Variants in C4orf50 observed in about 807,000 individuals in gnomAD.
The protein encoded by C4orf50 is chromosome 4 open reading frame 50.
C4orf50 carries 80 observed loss-of-function variants against 77.2 expected under a neutral mutation model. The ratio of observed to expected loss-of-function variants is 1.04; its 90% CI spans 0.87 to 1.25. The LOEUF (loss-of-function observed/expected upper bound fraction) is 1.25, where lower values mean the gene tolerates loss of function less well. Ranked by LOEUF, C4orf50 falls within the 50% of genes most tolerant of loss-of-function variation. The probability of loss-of-function intolerance (pLI) is 0.00; values close to 1 mark genes in which losing one functional copy is unlikely to be tolerated. For synonymous variants in C4orf50, 532 were observed against 465.3 expected, an observed-to-expected ratio of 1.14 and a Z score of -1.84; for missense variants, 1,257 against 1,152.9, an observed-to-expected ratio of 1.09 and a Z score of -1.31.
intron 7 of C4orf50, among the ~76,000 whole-genome samples, chr4:5,920,502 A>C (rs1364592822): frequency 8.3e-6 from 1 of 120,416 alleles, no homozygotes; most frequent in Non-Finnish European, 1.7e-5. Context: ...TTTGAGATGG[A>C]GTCTCACTCT....
At chr4:6,010,231 A>C (rs189304963) in intron 24 of C4orf50, among the ~76,000 whole-genome samples, 235 of 152,334 alleles carry the variant, frequency 1.5e-3, no homozygotes, top group East Asian at 2.7e-3. Context: ...TCTACCTATG[A>C]TAAAACTCCC....
intron 25 of C4orf50, among the ~76,000 whole-genome samples, chr4:5,997,950 C>T (rs777523707): frequency 5.3e-5 from 8 of 152,178 alleles, no homozygotes; most frequent in Non-Finnish European, 1.2e-4. Context: ...TCTTATTGGA[C>T]AGTTGGGTTG....
At chr4:5,928,531 AG>A (rs1401870253) in intron 7 of C4orf50, among the ~76,000 whole-genome samples, 5 of 152,210 alleles carry the variant, frequency 3.3e-5, no homozygotes, top group Non-Finnish European at 5.9e-5. Context: ...GTGTGCTGAC[AG>A]GGACGGGCAC....
chr4:5,925,206 T>C (rs1717460942), intron 7 of C4orf50, among the ~76,000 whole-genome samples: 1 of 146,724 alleles, frequency 6.8e-6, no homozygotes, highest in Admixed American at 6.9e-5. Context: ...CCTTCTGAGA[T>C]GGGCAGAGGG....
In C4orf50 at chr4:6,009,627, CAGGTCACTACAG is replaced by C. The variant is rs1348036562; in HGVS notation, c.427-1107_427-1096del. ...CCTTTGACAGCTTTCAGAATGACCGCAGGTCACTACAGAAACGAGGCATCTTCATATGCAAAT... is the reference window on the plus strand; with the variant it reads ...CCTTTGACAGCTTTCAGAATGACCGCAAACGAGGCATCTTCATATGCAAAT... On this transcript the variant is annotated intron_variant, in intron 24 of 33. Coordinates refer to ENST00000531445, the Ensembl canonical transcript of C4orf50. The surrounding 1 kb of genome is among the most constrained non-coding windows in gnomAD (Gnocchi z 5.6). Among the ~76,000 whole-genome samples the C allele has an allele frequency of 9.9e-5, 15 of 152,170 alleles. No individual in the cohort carries two copies. Among genetic ancestry groups the C allele is most frequent in the Admixed American group, 9.8e-4 (15 of 15,286 alleles).
In C4orf50 at chr4:6,015,911, G is replaced by C. The variant is rs1722668305; in HGVS notation, c.287+2234C>G. 6.6e-6 allele frequency among the ~76,000 whole-genome samples: 1 copy of C among 152,112 alleles called. No homozygotes were observed. The highest frequency in any genetic ancestry group is 1.5e-5 in the Non-Finnish European group (1 of 68,022). ...GTCTTAGAGACCAGCCGGCGAATCT[G>C]GGTCCATATCCCCATGTCACCATCC... On this transcript the variant is annotated intron_variant, in intron 23 of 33. Coordinates refer to ENST00000531445, the Ensembl canonical transcript of C4orf50. This position sits in a 1 kb window ranked among gnomAD's most constrained non-coding sequence, Gnocchi z 4.4.
In C4orf50 at chr4:5,933,346, C is replaced by T. The variant is rs1012234361; in HGVS notation, c.*2474+23555G>A. Among the ~76,000 whole-genome samples, 6 of 152,206 alleles carry T rather than the reference C, an allele frequency of 3.9e-5. No individual in the cohort carries two copies. In the East Asian group the frequency reaches 5.8e-4, roughly 15 times the overall value. ...GATTCTGGGAAAAGATCCAAGGTCC[C>T]GAGTCTGCCACTCACAGAACTTTGG... On this transcript the variant is annotated intron_variant, in intron 7 of 7. Transcript: ENST00000324058.
intron 7 of C4orf50, among the ~76,000 whole-genome samples, chr4:5,939,670 T>A (rs1002353507): frequency 6.6e-6 from 1 of 152,168 alleles, no homozygotes; most frequent in East Asian, 1.9e-4. Flanking sequence ...AAACCCACCC[T>A]GGCCTTTGAA....
intron 7 of C4orf50, among the ~76,000 whole-genome samples, chr4:5,938,379 G>A (rs1414574883): frequency 2.0e-5 from 3 of 152,108 alleles, no homozygotes; most frequent in Non-Finnish European, 4.4e-5. Context: ...TGTCACCAAG[G>A]GGCTCTCTCT....
At chr4:5,967,637 T>C (rs6446422) in intron 31 of C4orf50, among the ~76,000 whole-genome samples, 175 bp from the exon 10 acceptor site, 106,268 of 152,080 alleles carry the variant, frequency 0.7, 38,327 homozygotes, top group African/African-American at 0.83. Flanking sequence ...CTCTCCAGGA[T>C]GCTCAAAGGA....
intron 23 of C4orf50, among the ~76,000 whole-genome samples, chr4:6,012,955 G>A (rs940020631): frequency 3.9e-5 from 6 of 152,152 alleles, no homozygotes; most frequent in Non-Finnish European, 8.8e-5. Context: ...CCAAGTCCAC[G>A]CTGGGCACCT....
chr4:5,986,539 T>C (rs550278927), intron 28 of C4orf50, among the ~76,000 whole-genome samples: 9 of 28,564 alleles, frequency 3.2e-4, no homozygotes, highest in Non-Finnish European at 1.1e-4. Context: ...AACAACGTCA[T>C]TTTTTTTTTT....
chr4:5,927,244 C>CA (rs1486209462), intron 7 of C4orf50, among the ~76,000 whole-genome samples: 2 of 152,072 alleles, frequency 1.3e-5, no homozygotes, highest in African/African-American at 4.8e-5. Context: ...GGCAACAGCT[C>CA]AGAGGGTCAT....
chr4:5,949,494 G>A (rs144658055), intron 7 of C4orf50, among the ~76,000 whole-genome samples: 5 of 152,284 alleles, frequency 3.3e-5, no homozygotes, highest in Admixed American at 2.6e-4. Context: ...TAGAGTAGCC[G>A]GACTTATAGA....
chr4:5,911,767 A>G (rs1325135346), intron 7 of C4orf50, among the ~76,000 whole-genome samples: 4 of 152,030 alleles, frequency 2.6e-5, no homozygotes, highest in East Asian at 3.9e-4. Flanking sequence ...CAAACAAAAC[A>G]CTAGGCGTGG....
chr4:5,945,864 C>T (rs1718458587), intron 7 of C4orf50, among the ~76,000 whole-genome samples: 1 of 152,132 alleles, frequency 6.6e-6, no homozygotes, highest in South Asian at 2.1e-4. Flanking sequence ...CCCTCTTGGC[C>T]CCAGTTTCAT....
rs1722352302 is a variant in C4orf50, at chr4:6,008,561, A to G, written c.427-29T>C. 2 of 397,582 alleles carry G rather than the reference A, an allele frequency of 5.0e-6. No individual in the cohort carries two copies. The highest frequency in any genetic ancestry group is 4.4e-5 in the Admixed American group (1 of 22,696). 24.6% of individuals were successfully genotyped at this position (397,582 alleles called of 1,614,324 possible). On this transcript the variant is annotated intron_variant, in intron 24 of 33. Transcript: ENST00000531445. The surrounding 1 kb of genome is among the most constrained non-coding windows in gnomAD (Gnocchi z 6.0). ...CAAGTTGGCGGTGGATGAGGGCGTCAGCAAGCCCAAAGGACACACCATGGT... is the reference window on the plus strand; with the variant it reads ...CAAGTTGGCGGTGGATGAGGGCGTCGGCAAGCCCAAAGGACACACCATGGT...
chr4:5,928,628 G>T (rs550922812), intron 7 of C4orf50, among the ~76,000 whole-genome samples: 5 of 152,158 alleles, frequency 3.3e-5, no homozygotes, highest in Admixed American at 6.5e-5. Flanking sequence ...CATGCTTCCC[G>T]GTGATAAAAC....
rs915309989 is a variant in C4orf50, at chr4:6,009,089, A to C, written c.427-557T>G. Among the ~76,000 whole-genome samples, 2 of 152,164 alleles carry C rather than the reference A, an allele frequency of 1.3e-5. No homozygotes were observed. Among genetic ancestry groups the C allele is most frequent in the African/African-American group, 4.8e-5 (2 of 41,438 alleles). The stretch of plus-strand genomic sequence containing the variant: ...GGGAGGTACGTTACTAGCCTGAGAG[A>C]CACTCAGGAGTGACTTGCATATCAC... On this transcript the variant is annotated intron_variant, in intron 24 of 33. Coordinates refer to ENST00000531445, the Ensembl canonical transcript of C4orf50. The surrounding 1 kb of genome is among the most constrained non-coding windows in gnomAD (Gnocchi z 5.6).
Sources: gnomAD v4.1 joint callset for allele counts (sites outside exome capture counted in the v4.1 genomes callset) on GRCh38, gnomAD v4.1.1 for gene constraint, Gnocchi (gnomAD v3.1) non-coding constraint, MANE v1.5 for transcripts, NCBI Gene and HGNC (gene_info 2026-07-23, HGNC 2026-07-21) for gene names.